Variants in ANKRD62 observed in about 807,000 individuals in gnomAD.
ANKRD62 encodes the protein ankyrin repeat domain 62.
A neutral mutation model predicts 98.8 loss-of-function variants in ANKRD62; 61 were observed. The observed-to-expected ratio is 0.62, with a 90% CI of 0.50 to 0.76. ANKRD62 has a LOEUF of 0.76. ANKRD62 is among the 30% of genes least tolerant of loss of function. The probability of loss-of-function intolerance (pLI) is 0.00; values close to 1 mark genes in which losing one functional copy is unlikely to be tolerated. For synonymous variants in ANKRD62, 341 were observed against 367.9 expected (o/e 0.93, Z 0.84); for missense variants, 933 against 1,082.9 (o/e 0.86, Z 1.94).
At chr18:12,139,086 A>T in the ANKRD62 span, among the ~76,000 whole-genome samples, 2 of 152,138 alleles carry the variant, frequency 1.3e-5, no homozygotes, top group African/African-American at 4.8e-5. Context: ...TCCTGTCATT[A>T]TGATGTTAGC....
At chr18:12,125,327 T>C in intron 12 of ANKRD62, 133 bp from the exon 13 acceptor site, 10 of 865,426 alleles carry the variant, frequency 1.2e-5, no homozygotes, top group Non-Finnish European at 1.5e-5. Context: ...CAACTTTTTT[T>C]TTCCAGTTGG....
At chr18:12,171,614 G>A in the ANKRD62 span, among the ~76,000 whole-genome samples, 1 of 152,086 alleles carries the variant, frequency 6.6e-6, no homozygotes, top group South Asian at 2.1e-4. Context: ...ACAATTATGT[G>A]TCTTGGGGTT....
chr18:12,115,171 A>C (rs191433074), intron 9 of ANKRD62, 50 bp downstream of exon 9: 1 of 1,365,830 alleles, frequency 7.3e-7, no homozygotes, highest in East Asian at 2.6e-5. Context: ...ACCTTAAAAA[A>C]GATCATGGTA....
chr18:12,130,210 T>A (rs901137804), downstream of ANKRD62, among the ~76,000 whole-genome samples: 16 of 150,366 alleles, frequency 1.1e-4, no homozygotes, highest in Non-Finnish European at 1.6e-4. Context: ...GGTAAAAAAA[T>A]AACAACAGTT....
the ANKRD62 span, among the ~76,000 whole-genome samples, chr18:12,175,047 G>T: frequency 0.012 from 1,779 of 152,366 alleles, 33 homozygotes; most frequent in African/African-American, 0.041. Context: ...TTGGGTGCCA[G>T]TGTGCCTGCC....
the ANKRD62 span, among the ~76,000 whole-genome samples, chr18:12,140,821 C>A: frequency 5.9e-5 from 9 of 152,330 alleles, no homozygotes; most frequent in African/African-American, 2.2e-4. Flanking sequence ...GGCAGTCTGC[C>A]CGTTCTCAGA....
At chr18:12,118,223 T>C (rs1909707609) in intron 10 of ANKRD62, among the ~76,000 whole-genome samples, 1 of 152,232 alleles carries the variant, frequency 6.6e-6, no homozygotes, top group South Asian at 2.1e-4. Context: ...CCTTTCCTGG[T>C]GTCCCTCATC....
the ANKRD62 span, among the ~76,000 whole-genome samples, chr18:12,175,618 A>C: frequency 6.6e-6 from 1 of 152,004 alleles, no homozygotes; most frequent in African/African-American, 2.4e-5. Context: ...CCACCAGCAC[A>C]GAAGCTATGA....
At chr18:12,160,816 G>C in the ANKRD62 span, among the ~76,000 whole-genome samples, 1 of 152,082 alleles carries the variant, frequency 6.6e-6, no homozygotes, top group Non-Finnish European at 1.5e-5. Flanking sequence ...AAGAAAATTA[G>C]TGGTAAAATT....
the ANKRD62 span, among the ~76,000 whole-genome samples, chr18:12,166,190 G>A: frequency 4.8e-4 from 73 of 152,022 alleles, no homozygotes; most frequent in South Asian, 0.011. Context: ...CCCAGGTTTC[G>A]GAAGTTCTCA....
At chr18:12,138,800 G>T in the ANKRD62 span, among the ~76,000 whole-genome samples, 1 of 152,088 alleles carries the variant, frequency 6.6e-6, no homozygotes, top group Non-Finnish European at 1.5e-5. Context: ...TTATGTAATG[G>T]CCATCTTTGT....
At position 12,129,517 on chromosome 18, in the gene ANKRD62, A is replaced by T. The variant is rs746762407; in HGVS notation, c.*1578A>T. On this transcript the variant is annotated 3_prime_UTR_variant, in exon 14 of 14. Transcript: ENST00000587848. Reference sequence around the variant, plus strand: ...AATCCCAACACTTTGGGAGGCCGAGATGGGCGGATCATGAGGTCAGGAGAT... The same window carrying T: ...AATCCCAACACTTTGGGAGGCCGAGTTGGGCGGATCATGAGGTCAGGAGAT... 60 of 152,186 alleles carry T rather than the reference A, an allele frequency of 3.9e-4. No individual in the cohort carries two copies. The highest frequency in any genetic ancestry group is 6.8e-4 in the Non-Finnish European group (46 of 68,094). 9.4% of individuals were successfully genotyped at this position (152,186 alleles called of 1,614,324 possible).
the ANKRD62 span, among the ~76,000 whole-genome samples, chr18:12,179,612 T>C: frequency 6.6e-6 from 1 of 151,634 alleles, no homozygotes; most frequent in Non-Finnish European, 1.5e-5. Context: ...CCTAAAACAG[T>C]GACCTGACCA....
rs1030362300 is a variant in ANKRD62, at chr18:12,126,248, C to G, written c.2427C>G (p.Val809=). 4 of 1,535,712 alleles carry G rather than the reference C, an allele frequency of 2.6e-6. No individual in the cohort carries two copies. Among genetic ancestry groups the G allele is most frequent in the African/African-American group, 1.4e-5 (1 of 72,968 alleles). Residue 809 remains valine (V), a synonymous_variant, in exon 13 of 14, where the codon GTC becomes GTG. Coordinates refer to ENST00000587848, the MANE Select transcript of ANKRD62 (RefSeq NM_001277333.2). Reference sequence around the variant, plus strand: ...AGAAAACAATAATTAATATCCAAGTCAAATGTGAAGATACTGTAGAAAAAC... The same window carrying G: ...AGAAAACAATAATTAATATCCAAGTGAAATGTGAAGATACTGTAGAAAAAC... ...NQEKTIINIQ[V]KCEDTVEKLQ...
In ANKRD62 at chr18:12,093,843, G is replaced by A. The variant is rs901596119; in HGVS notation, c.-175G>A. 2 of 639,538 alleles carry A rather than the reference G, an allele frequency of 3.1e-6. No individual in the cohort carries two copies. The highest frequency in any genetic ancestry group is 4.2e-4 in the Middle Eastern group (1 of 2,368). 39.6% of individuals were successfully genotyped at this position (639,538 alleles called of 1,614,324 possible). On this transcript the variant is annotated 5_prime_UTR_variant, in exon 1 of 14. Transcript: ENST00000587848. ...GTGCACATGCGCGCTGGTGCCTAAC[G>A]GCTCTGCTGGGCTAGGTGCTCCTCC...
At chr18:12,141,360 C>G in the ANKRD62 span, among the ~76,000 whole-genome samples, 1 of 152,240 alleles carries the variant, frequency 6.6e-6, no homozygotes, top group Non-Finnish European at 1.5e-5. Flanking sequence ...CACCCACTGT[C>G]TGGCACTACC....
At chr18:12,168,120 G>C in the ANKRD62 span, among the ~76,000 whole-genome samples, 259 of 152,102 alleles carry the variant, frequency 1.7e-3, 1 homozygote, top group African/African-American at 5.4e-3. Context: ...TTTTGCTGTG[G>C]AGAAGCTCTT....
intron 8 of ANKRD62, among the ~76,000 whole-genome samples, chr18:12,109,950 CAAA>C (rs10588166): frequency 0.28 from 34,866 of 124,654 alleles, 4,092 homozygotes; most frequent in Middle Eastern, 0.35. Flanking sequence ...TCACTGTTAC[CAAA>C]AAAAAAAAAA....
At chr18:12,118,061 T>C (rs1311779252) in intron 10 of ANKRD62, among the ~76,000 whole-genome samples, 2 of 152,262 alleles carry the variant, frequency 1.3e-5, no homozygotes, top group East Asian at 1.9e-4. Flanking sequence ...TGAGCCTACA[T>C]TGGCACATCA....
Sources: gnomAD v4.1 joint callset for allele counts (sites outside exome capture counted in the v4.1 genomes callset) on GRCh38, gnomAD v4.1.1 for gene constraint, MANE v1.5 for transcripts, NCBI Gene and HGNC (gene_info 2026-07-23, HGNC 2026-07-21) for gene names.